PHEX: variants seen among roughly 807,000 people sequenced by gnomAD.
PHEX encodes the protein phosphate-regulating neutral endopeptidase PHEX.
In PHEX, 16 loss-of-function variants were observed where a neutral mutation model predicts 68.0. The observed-to-expected ratio is 0.24, with a 90% confidence interval of 0.16 to 0.36. PHEX has a LOEUF of 0.36. PHEX is among the 10% of genes least tolerant of loss of function. PHEX has a pLI of 1.00. For missense variants in PHEX, 480 were observed against 575.5 expected (o/e 0.83, Z 1.70); for synonymous variants, 208 against 205.1 (o/e 1.01, Z -0.12).
At chrX:22,239,224 C>T (rs1355285312) in intron 20 of PHEX, among the ~76,000 whole-genome samples, 2 of 111,405 alleles carry the variant, frequency 1.8e-5, no homozygotes, top group Non-Finnish European at 3.8e-5. Context: ...GAGACCATAT[C>T]CGAAGGTCAC....
intron 13 of PHEX, chrX:22,171,332 G>A (rs1569417982): frequency 9.1e-6 from 1 of 110,443 alleles, no homozygotes; most frequent in Non-Finnish European, 1.9e-5. Flanking sequence ...GAACAGCATG[G>A]GGGAAACTGC....
chrX:22,041,261 CTCTCTATA>C (rs1408769427), intron 2 of PHEX, among the ~76,000 whole-genome samples: 1 of 65,516 alleles, frequency 1.5e-5, no homozygotes, highest in African/African-American at 7.1e-5. Context: ...CTCTCTCTCT[CTCTCTATA>C]TATATATATA....
intron 20 of PHEX, among the ~76,000 whole-genome samples, chrX:22,231,451 T>G (rs572251985): frequency 1.8e-5 from 2 of 111,826 alleles, no homozygotes; most frequent in South Asian, 7.5e-4. Context: ...ATTTCAGAAC[T>G]TGTTATTGGT....
chrX:22,042,648 G>T (rs774900971), intron 2 of PHEX, among the ~76,000 whole-genome samples: 22 of 111,276 alleles, frequency 2.0e-4, no homozygotes, highest in African/African-American at 7.2e-4. Flanking sequence ...AGCCAGGCGT[G>T]GTGGCGCAAG....
At chrX:22,131,423 C>T (rs1451769221) in intron 11 of PHEX, among the ~76,000 whole-genome samples, 3 of 112,663 alleles carry the variant, frequency 2.7e-5, no homozygotes, top group African/African-American at 9.7e-5. Context: ...TTTAAAGGAC[C>T]TTTTGCTCTT....
chrX:22,101,827 C>G (rs1930442672), intron 9 of PHEX, among the ~76,000 whole-genome samples: 1 of 111,560 alleles, frequency 9.0e-6, no homozygotes, highest in African/African-American at 3.3e-5. Flanking sequence ...TGGAGTTTCC[C>G]TAGACATGCC....
intron 5 of PHEX, among the ~76,000 whole-genome samples, chrX:22,083,661 G>T (rs1929492954): frequency 9.0e-6 from 1 of 111,088 alleles, no homozygotes; most frequent in African/African-American, 3.3e-5. Flanking sequence ...TTTGCTTTTG[G>T]TGTATACAAT....
chrX:22,180,415 ATC>A (rs1933848126), intron 14 of PHEX, among the ~76,000 whole-genome samples: 1 of 110,898 alleles, frequency 9.0e-6, no homozygotes, highest in Non-Finnish European at 1.9e-5. Flanking sequence ...CAGTTATAGG[ATC>A]TCTCTTTTAA....
chrX:22,211,129 G>A (rs1485540759), intron 15 of PHEX, among the ~76,000 whole-genome samples: 1 of 111,643 alleles, frequency 9.0e-6, no homozygotes, highest in Middle Eastern at 4.6e-3. Flanking sequence ...CAGTTCCTAG[G>A]ATCAACCCAG....
At chrX:22,178,411 T>C (rs746220644) in intron 14 of PHEX, 35 bp downstream of exon 14, 1 of 845,844 alleles carries the variant, frequency 1.2e-6, no homozygotes, top group Admixed American at 2.3e-5. Context: ...AATAGATAAA[T>C]ACATTGGTGA....
chrX:22,110,330 T>C (rs748937255), intron 9 of PHEX, among the ~76,000 whole-genome samples: 3 of 112,615 alleles, frequency 2.7e-5, no homozygotes, highest in Non-Finnish European at 3.8e-5. Flanking sequence ...ATATTGAACA[T>C]TGAATACATG....
At chrX:22,056,665 G>C (rs2146997838) in intron 3 of PHEX, among the ~76,000 whole-genome samples, 1 of 109,205 alleles carries the variant, frequency 9.2e-6, no homozygotes, top group South Asian at 4.0e-4. Context: ...GTCTGGCGTG[G>C]TGGCGGGAGC....
chrX:22,046,113 G>A (rs927961877), intron 2 of PHEX, among the ~76,000 whole-genome samples: 4 of 111,436 alleles, frequency 3.6e-5, no homozygotes, highest in African/African-American at 9.8e-5. Flanking sequence ...CTAGATGGGC[G>A]CCTGGACTGG....
intron 16 of PHEX, among the ~76,000 whole-genome samples, chrX:22,215,380 T>TAATA (rs1421967599): frequency 9.0e-6 from 1 of 111,696 alleles, no homozygotes. Context: ...TAGTCTGTAT[T>TAATA]AATAAATGGA....
chrX:22,232,518 T>C (rs1935788739), intron 20 of PHEX, among the ~76,000 whole-genome samples: 1 of 108,407 alleles, frequency 9.2e-6, no homozygotes, highest in African/African-American at 3.4e-5. Flanking sequence ...TTTACGATTA[T>C]GTAATGCTCT....
At chrX:22,144,067 A>G (rs1442004012) in intron 12 of PHEX, among the ~76,000 whole-genome samples, 1 of 111,794 alleles carries the variant, frequency 8.9e-6, no homozygotes, top group African/African-American at 3.3e-5. Context: ...GACCTCAGGC[A>G]AGATGGGCAG....
intron 16 of PHEX, among the ~76,000 whole-genome samples, chrX:22,215,394 C>T (rs892663661): frequency 9.0e-6 from 1 of 111,268 alleles, no homozygotes; most frequent in Non-Finnish European, 1.9e-5. Context: ...AAATGGATAG[C>T]CTCCAGAATC....
chrX:22,051,356 C>T (rs759123308), intron 3 of PHEX, among the ~76,000 whole-genome samples: 22 of 111,250 alleles, frequency 2.0e-4, no homozygotes, highest in African/African-American at 7.2e-4. Context: ...TGTGGCGAAA[C>T]CCTGTTTTTC....
intron 3 of PHEX, among the ~76,000 whole-genome samples, chrX:22,050,246 G>A (rs1330208314): frequency 1.8e-5 from 2 of 112,093 alleles, no homozygotes; most frequent in Non-Finnish European, 3.8e-5. Context: ...CTCCTTGGTA[G>A]CTTCTTTGAA....
Sources: allele counts gnomAD v4.1 joint callset (sites outside exome capture counted in the v4.1 genomes callset), GRCh38; gene constraint gnomAD v4.1.1; transcripts MANE v1.5; gene names NCBI Gene and HGNC (gene_info 2026-07-23, HGNC 2026-07-21).